The following PANX1 variants were observed in gnomAD, a reference collection of about 807,000 sequenced individuals.
PANX1 encodes pannexin-1.
Under a neutral mutation model 38.7 loss-of-function variants are expected in PANX1, and 30 were observed. That is an observed-to-expected ratio of 0.78 (90% CI 0.58 to 1.05). PANX1 has a LOEUF of 1.05. PANX1 is among the 50% of genes least tolerant of loss of function. The pLI is 0.00. For synonymous variants in PANX1, 230 were observed against 212.2 expected (o/e 1.08, Z -0.73); for missense variants, 551 against 517.2 (o/e 1.07, Z -0.63).
rs1423427184 is a variant in PANX1 at position 94,168,500 on chromosome 11, G to GACA, written c.322-9868_322-9867insCAA. Among the ~76,000 whole-genome samples, 684 of 151,124 alleles carry GACA rather than the reference G, an allele frequency of 4.5e-3. 3 individuals carry two copies. The highest frequency in any genetic ancestry group is 0.016 in the African/African-American group (659 of 41,000). On this transcript the variant is annotated intron_variant, in intron 2 of 4. Coordinates refer to ENST00000227638, the MANE Select transcript of PANX1 (RefSeq NM_015368.4). ...AGGGTTCTAATTAGGGAACAGAAAGGAAAAGAAGCAGTTTTGTCCAAGAAG... is the reference window on the plus strand; with the variant it reads ...AGGGTTCTAATTAGGGAACAGAAAGGACAAAAAGAAGCAGTTTTGTCCAAGAAG...
chr11:94,155,182 C>A (rs941830643), intron 2 of PANX1, among the ~76,000 whole-genome samples: 1 of 152,176 alleles, frequency 6.6e-6, no homozygotes, highest in Non-Finnish European at 1.5e-5. Context: ...GAAACCCCAT[C>A]TCCACTAAAA....
chr11:94,180,859 C>T lies in PANX1; in HGVS notation c.1271C>T (p.Ser424Phe). 1 of 1,581,074 alleles carries T rather than the reference C, an allele frequency of 6.3e-7. No individual in the cohort carries two copies. Among genetic ancestry groups the T allele is most frequent in the Non-Finnish European group, 8.7e-7 (1 of 1,150,062 alleles). Residue 424 changes from serine (S) to phenylalanine (F), a missense_variant, in exon 5 of 5, where the codon TCT (serine) becomes TTT (phenylalanine). Physicochemically the swap from Ser to Phe is radical, Grantham distance 155. Coordinates refer to ENST00000227638, the MANE Select transcript of PANX1 (RefSeq NM_015368.4). ...AATGCCCGACAGAGACTTCTGGATT[C>T]TTCTTGCTGATGATTTTTTTCCTTG... ...EKNARQRLLDSSC is the reference protein window; with the variant it reads ...EKNARQRLLDFSC
chr11:94,179,272 C>A (rs1280572668), intron 3 of PANX1, among the ~76,000 whole-genome samples: 8 of 152,098 alleles, frequency 5.3e-5, no homozygotes, highest in Admixed American at 5.2e-4. Context: ...TTTGCCCATA[C>A]CCCCTGAGTT....
intron 2 of PANX1, among the ~76,000 whole-genome samples, chr11:94,158,315 T>C (rs1472835795): frequency 6.6e-6 from 1 of 152,152 alleles, no homozygotes; most frequent in East Asian, 1.9e-4. Context: ...GGGGATGGCA[T>C]TGAATCTATA....
intron 2 of PANX1, among the ~76,000 whole-genome samples, chr11:94,157,190 A>G (rs113795050): frequency 0.53 from 80,614 of 151,762 alleles, 22,282 homozygotes; most frequent in African/African-American, 0.67. Context: ...ATAAACATAC[A>G]TGTACATGTG....
At chr11:94,161,187 C>G (rs1029328564) in intron 2 of PANX1, among the ~76,000 whole-genome samples, 9 of 152,160 alleles carry the variant, frequency 5.9e-5, no homozygotes, top group Non-Finnish European at 1.3e-4. Context: ...TTTGGTGAAT[C>G]TGACAATTAT....
intron 1 of PANX1, among the ~76,000 whole-genome samples, chr11:94,136,963 CAG>C (rs1434771691): frequency 1.3e-5 from 2 of 151,934 alleles, no homozygotes. Context: ...GGAAGGCAAA[CAG>C]GGAGCAGGCA....
chr11:94,153,434 G>T, intron 1 of PANX1, 57 bp from the exon 2 acceptor site: 1 of 1,588,018 alleles, frequency 6.3e-7, no homozygotes, highest in Non-Finnish European at 8.6e-7. Context: ...TGTGAGATGG[G>T]GACAAGAGTC....
intron 2 of PANX1, among the ~76,000 whole-genome samples, chr11:94,171,927 TTC>T (rs1947174254): frequency 6.7e-6 from 1 of 150,320 alleles, no homozygotes; most frequent in African/African-American, 2.5e-5. Flanking sequence ...CCTTTGAGTG[TTC>T]TGTTCCCTTT....
At chr11:94,142,028 G>A (rs1234725708) in intron 1 of PANX1, among the ~76,000 whole-genome samples, 2 of 152,216 alleles carry the variant, frequency 1.3e-5, no homozygotes, top group Non-Finnish European at 2.9e-5. Flanking sequence ...ACAGAGTGGG[G>A]CTAGAGTGCA....
chr11:94,165,072 T>C (rs1947087998), intron 2 of PANX1, among the ~76,000 whole-genome samples: 1 of 152,128 alleles, frequency 6.6e-6, no homozygotes, highest in South Asian at 2.1e-4. Context: ...GTCTTATAGG[T>C]GAAGTGAGTT....
chr11:94,153,338 A>G (rs1355096630), intron 1 of PANX1, among the ~76,000 whole-genome samples, 153 bp from the exon 2 acceptor site: 1 of 152,220 alleles, frequency 6.6e-6, no homozygotes, highest in East Asian at 1.9e-4. Flanking sequence ...TTGTTTTAAT[A>G]TGAACTTGGG....
At chr11:94,172,892 T>G (rs1435597012) in intron 2 of PANX1, among the ~76,000 whole-genome samples, 1 of 151,676 alleles carries the variant, frequency 6.6e-6, no homozygotes, top group Non-Finnish European at 1.5e-5. Flanking sequence ...CTCGCTGTCT[T>G]CTCCAGGGCT....
intron 2 of PANX1, among the ~76,000 whole-genome samples, chr11:94,165,834 T>TA (rs1229943136): frequency 6.6e-6 from 1 of 152,088 alleles, no homozygotes; most frequent in Non-Finnish European, 1.5e-5. Flanking sequence ...CACTTGAACT[T>TA]ACCAAGAGGC....
At chr11:94,163,714 T>C (rs1652462167) in intron 2 of PANX1, among the ~76,000 whole-genome samples, 1 of 152,212 alleles carries the variant, frequency 6.6e-6, no homozygotes, top group Non-Finnish European at 1.5e-5. Context: ...GGTGTCATGG[T>C]TAAGACTGGC....
chr11:94,132,915 G>A (rs995071609), intron 1 of PANX1, among the ~76,000 whole-genome samples: 2 of 152,198 alleles, frequency 1.3e-5, no homozygotes, highest in South Asian at 2.1e-4. Flanking sequence ...TTTAAGAGCA[G>A]GTTCTCTGTG....
At chr11:94,140,487 T>G (rs2134479855) in intron 1 of PANX1, among the ~76,000 whole-genome samples, 1 of 152,356 alleles carries the variant, frequency 6.6e-6, no homozygotes, top group African/African-American at 2.4e-5. Context: ...CCCAGAGATA[T>G]CTTCATGTTA....
intron 2 of PANX1, among the ~76,000 whole-genome samples, chr11:94,163,048 A>G (rs1406027986): frequency 6.6e-6 from 1 of 151,640 alleles, no homozygotes; most frequent in Non-Finnish European, 1.5e-5. Flanking sequence ...AATTTTTGTT[A>G]TTTTTTGTAG....
At chr11:94,158,039 A>G (rs1298011439) in intron 2 of PANX1, among the ~76,000 whole-genome samples, 1 of 152,196 alleles carries the variant, frequency 6.6e-6, no homozygotes, top group Non-Finnish European at 1.5e-5. Context: ...GGTTTGTCAA[A>G]TATCAGATGG....
Sources: gnomAD v4.1 joint callset for allele counts (sites outside exome capture counted in the v4.1 genomes callset) on GRCh38, gnomAD v4.1.1 for gene constraint, MANE v1.5 for transcripts, NCBI Gene and HGNC (gene_info 2026-07-23, HGNC 2026-07-21) for gene names.